The following CRHR1 variants were observed in gnomAD, a reference collection of about 807,000 sequenced individuals.
CRHR1 encodes corticotropin-releasing hormone receptor 1.
CRHR1 carries 28 observed loss-of-function variants against 56.0 expected under a neutral mutation model. That is an observed-to-expected ratio of 0.50 (90% confidence interval 0.37 to 0.69). The LOEUF (loss-of-function observed/expected upper bound fraction) is 0.69. Ranked by LOEUF, CRHR1 falls within the 30% of genes least tolerant of loss-of-function variation. The pLI is 0.00. For synonymous variants in CRHR1, 195 were observed against 216.5 expected (o/e 0.90, Z 0.87); for missense variants, 376 against 548.0 (o/e 0.69, Z 3.13).
At chr17:45,815,635 G>C (rs1315468487) in intron 2 of CRHR1, among the ~76,000 whole-genome samples, 1 of 152,222 alleles carries the variant, frequency 6.6e-6, no homozygotes, top group African/African-American at 2.4e-5. Flanking sequence ...AGTGGGCTGA[G>C]ATTAAGAATT....
chr17:45,786,239 C>A (rs910147681), intron 1 of CRHR1, among the ~76,000 whole-genome samples: 1 of 148,350 alleles, frequency 6.7e-6, no homozygotes, highest in Non-Finnish European at 1.5e-5. Flanking sequence ...TTAAAAAAGT[C>A]TTTTTATTTC....
At chr17:45,814,057 C>T (rs942130782) in intron 2 of CRHR1, among the ~76,000 whole-genome samples, 1 of 152,350 alleles carries the variant, frequency 6.6e-6, no homozygotes, top group East Asian at 1.9e-4. Flanking sequence ...TCCTGCCCTC[C>T]GTGCCTTGCG....
intron 1 of CRHR1, among the ~76,000 whole-genome samples, chr17:45,791,680 C>T (rs145741347): frequency 1.8e-4 from 27 of 152,110 alleles, no homozygotes; most frequent in African/African-American, 5.8e-4. Flanking sequence ...GAGCCTTCGG[C>T]GCAGAGATGC....
intron 2 of CRHR1, among the ~76,000 whole-genome samples, chr17:45,814,546 A>G (rs2061888690): frequency 6.6e-6 from 1 of 152,214 alleles, no homozygotes; most frequent in African/African-American, 2.4e-5. Context: ...ATGTATGAAG[A>G]TCAAACGAAA....
At chr17:45,811,411 G>A (rs556827573) in intron 2 of CRHR1, among the ~76,000 whole-genome samples, 230 of 152,308 alleles carry the variant, frequency 1.5e-3, no homozygotes, top group African/African-American at 5.1e-3. Flanking sequence ...CGGGCCCCAC[G>A]CATTTGTTCT....
At chr17:45,814,224 G>A (rs1401637615) in intron 2 of CRHR1, among the ~76,000 whole-genome samples, 10 of 152,344 alleles carry the variant, frequency 6.6e-5, no homozygotes, top group Non-Finnish European at 1.2e-4. Flanking sequence ...GAATGAGTGA[G>A]GAGTGAATGA....
At chr17:45,791,117 C>G (rs1049417129) in intron 1 of CRHR1, among the ~76,000 whole-genome samples, 3 of 151,988 alleles carry the variant, frequency 2.0e-5, no homozygotes, top group Non-Finnish European at 4.4e-5. Context: ...GTGTGAAGGG[C>G]TCATTTCTAG....
intron 8 of CRHR1, 133 bp from the exon 9 acceptor site, chr17:45,833,005 G>T (rs1462661903): frequency 3.9e-6 from 3 of 761,822 alleles, no homozygotes; most frequent in Non-Finnish European, 7.0e-6. Flanking sequence ...TTGACCTTCT[G>T]CCAGGGTTGG....
chr17:45,801,786 C>T (rs2061627496), intron 1 of CRHR1, among the ~76,000 whole-genome samples: 1 of 152,128 alleles, frequency 6.6e-6, no homozygotes, highest in Admixed American at 6.5e-5. Flanking sequence ...TGAGAAAGGC[C>T]AAAAGCACTT....
In CRHR1 at chr17:45,805,015, A is replaced by G. The variant is rs186682785; in HGVS notation, c.34-1995A>G. Reference sequence around the variant, plus strand: ...TTTTTAGTAGAGACGGGGCTTCACCATGTTGGCCAGGCTGGTCTTGAACTG... The same window carrying G: ...TTTTTAGTAGAGACGGGGCTTCACCGTGTTGGCCAGGCTGGTCTTGAACTG... On this transcript the variant is annotated intron_variant, in intron 1 of 12. Coordinates refer to ENST00000314537, the MANE Select transcript of CRHR1 (RefSeq NM_004382.5). Among the ~76,000 whole-genome samples the G allele has an allele frequency of 2.7e-3, 409 of 151,972 alleles. 2 individuals carry two copies. The highest frequency in any genetic ancestry group is 0.014 in the Middle Eastern group (4 of 294).
In CRHR1 at chr17:45,833,556, C is replaced by T. The variant is rs750366414; in HGVS notation, c.929+19C>T. ...AGTACAGGTAACCGGGTACCACCTT[C>T]CTCAGGCCTCCCCCTGATGAAACCC... is the stretch of plus-strand genomic sequence containing the variant. On this transcript the variant is annotated intron_variant, in intron 10 of 12. Coordinates refer to ENST00000314537, the MANE Select transcript of CRHR1 (RefSeq NM_004382.5). The T allele has an allele frequency of 1.2e-6, 2 of 1,611,604 alleles. No homozygotes were observed. Among genetic ancestry groups the T allele is most frequent in the South Asian group, 1.1e-5 (1 of 91,060 alleles).
chr17:45,820,723 C>T (rs1377758584), intron 3 of CRHR1, among the ~76,000 whole-genome samples: 1 of 152,180 alleles, frequency 6.6e-6, no homozygotes, highest in Non-Finnish European at 1.5e-5. Context: ...CACCCACAGA[C>T]CACGACCTTC....
chr17:45,788,411 C>A lies in CRHR1; in HGVS notation c.33+3834C>A, dbSNP rs1287361765. ...TGTGTTTTCAAATACTCCTTAGGGA[C>A]ATGACCTCACATAGAAAGAGGGGGG... is the stretch of plus-strand genomic sequence containing the variant. On this transcript the variant is annotated intron_variant, in intron 1 of 12. Coordinates refer to ENST00000314537, the MANE Select transcript of CRHR1 (RefSeq NM_004382.5). Among the ~76,000 whole-genome samples the A allele has an allele frequency of 3.3e-5, 5 of 152,344 alleles. No homozygotes were observed. In the East Asian group the frequency reaches 9.6e-4, roughly 29 times the overall value.
Position 45,834,761 on chromosome 17 carries a change from C to T in CRHR1, c.1245C>T (p.Val415=). 1 of 1,613,654 alleles carries T rather than the reference C, an allele frequency of 6.2e-7. No individual in the cohort carries two copies. ...ACAGCATCAAGCAGTCCACAGCAGTCTGAGCTGGCAGGTCATGGAGCAGCC... is the reference window on the plus strand; with the variant it reads ...ACAGCATCAAGCAGTCCACAGCAGTTTGAGCTGGCAGGTCATGGAGCAGCC... ...SFHSIKQSTA[V] The change falls in exon 13 of 13, where the codon GTC becomes GTT. Residue 415 remains valine (V), a synonymous_variant. Transcript: ENST00000314537.
At position 45,833,046 on chromosome 17, in the gene CRHR1, C is replaced by T; in HGVS notation, c.771-92C>T. On this transcript the variant is annotated intron_variant, in intron 8 of 12. Coordinates refer to ENST00000314537, the MANE Select transcript of CRHR1 (RefSeq NM_004382.5). The stretch of plus-strand genomic sequence containing the variant: ...GGACATCTACCTCTTGGCCTCCAGC[C>T]CCAGTCCTGTCCTGGCCAAGCACTG... 3.5e-6 allele frequency: 4 copies of T among 1,159,122 alleles called. No homozygotes were observed. In the South Asian group the frequency reaches 3.7e-5, roughly 11 times the overall value. 71.8% of individuals were successfully genotyped at this position (1,159,122 alleles called of 1,614,324 possible). A position where few individuals can be genotyped will look rare whatever the true frequency, so the allele number is the denominator to read the frequency against.
intron 1 of CRHR1, among the ~76,000 whole-genome samples, chr17:45,788,996 C>T (rs1308469836): frequency 6.6e-6 from 1 of 152,170 alleles, no homozygotes; most frequent in Non-Finnish European, 1.5e-5. Flanking sequence ...CCCCCTTAAG[C>T]CCACTGTGGT....
rs569656498 is a variant in CRHR1, at chr17:45,833,108, C to A, written c.771-30C>A. Reference sequence around the variant, plus strand: ...GCCATCGAGGTGGACGCAGATGACCCTTCCTCCCCTTTCCTCTGTGGCCTT... The same window carrying A: ...GCCATCGAGGTGGACGCAGATGACCATTCCTCCCCTTTCCTCTGTGGCCTT... On this transcript the variant is annotated intron_variant, in intron 8 of 12. Transcript: ENST00000314537. The A allele has an allele frequency of 1.2e-4, 190 of 1,593,656 alleles. 1 individual carries two copies. The highest frequency in any genetic ancestry group is 1.2e-3 in the Middle Eastern group (7 of 6,032).
At chr17:45,814,540 A>G (rs171442) in intron 2 of CRHR1, among the ~76,000 whole-genome samples, 136,176 of 152,264 alleles carry the variant, frequency 0.89, 61,321 homozygotes, top group East Asian at 1. Flanking sequence ...TGCCAGATGT[A>G]TGAAGATCAA....
chr17:45,789,748 G>T (rs1318574972), intron 1 of CRHR1, among the ~76,000 whole-genome samples: 1 of 152,150 alleles, frequency 6.6e-6, no homozygotes, highest in African/African-American at 2.4e-5. Context: ...ACCCAGTGTG[G>T]CAGTCAACAT....
Sources: gnomAD v4.1 joint callset for allele counts (sites outside exome capture counted in the v4.1 genomes callset) on GRCh38, gnomAD v4.1.1 for gene constraint, MANE v1.5 for transcripts, NCBI Gene and HGNC (gene_info 2026-07-23, HGNC 2026-07-21) for gene names.